CEP350: variants seen among roughly 807,000 people sequenced by gnomAD.
CEP350 encodes the protein centrosomal protein 350, also known as centrosome-associated protein 350.
A neutral mutation model predicts 331.8 loss-of-function variants in CEP350; 126 were observed. The observed-to-expected ratio is 0.38, with a 90% CI of 0.33 to 0.44. CEP350 has a LOEUF of 0.44. Ranked by LOEUF, CEP350 falls within the 20% of genes least tolerant of loss-of-function variation. The pLI is 1.00. For missense variants in CEP350, 3,406 were observed against 3,634.6 expected (o/e 0.94, Z 1.62); for synonymous variants, 1,200 against 1,259.5 (o/e 0.95, Z 1.00).
At position 179,990,595 on chromosome 1, in the gene CEP350, G is replaced by A; in HGVS notation, c.209G>A (p.Ser70Asn). The A allele has an allele frequency of 6.3e-7, 1 of 1,597,286 alleles. No individual in the cohort carries two copies. The highest frequency in any genetic ancestry group is 8.6e-7 in the Non-Finnish European group (1 of 1,169,446). The change falls in exon 4 of 38, where the codon AGT becomes AAT. Residue 70 changes from serine (S) to asparagine (N), a missense_variant. Transcript: ENST00000367607. ...SVMDTKKSST[S>N]ATRKISRKDG... ...ATGGATACCAAGAAGTCTTCTACAA[G>A]TGCTACTCGAAAAATAAGTAGAAAA...
intron 10 of CEP350, among the ~76,000 whole-genome samples, chr1:180,015,108 A>C (rs2148812660): frequency 6.6e-6 from 1 of 152,170 alleles, no homozygotes; most frequent in South Asian, 2.1e-4. Flanking sequence ...TGAGAGGAGG[A>C]GGAAGAGGAA....
chr1:179,966,608 A>T (rs993803249), intron 1 of CEP350, among the ~76,000 whole-genome samples: 1 of 152,182 alleles, frequency 6.6e-6, no homozygotes, highest in African/African-American at 2.4e-5. Flanking sequence ...ACAAAAATCT[A>T]TGCAAATTTC....
Position 180,075,119 on chromosome 1 carries a change from A to G in CEP350, c.5665A>G (p.Ile1889Val), listed in dbSNP as rs137974907. 4.8e-5 allele frequency: 77 copies of G among 1,613,764 alleles called. No homozygotes were observed. The East Asian group carries it at 1.2e-3, about 26-fold the overall frequency. Reference sequence around the variant, plus strand: ...ACGTTTAGATGCAGAAGAAGCAGAAATTCGTCAAATGGAAAAACAAGCTTT... The same window carrying G: ...ACGTTTAGATGCAGAAGAAGCAGAAGTTCGTCAAATGGAAAAACAAGCTTT... ...KRRLDAEEAE[I>V]RQMEKQALAA... The change falls in exon 28 of 38, where the codon ATT (isoleucine) becomes GTT (valine). Residue 1889 changes from isoleucine (I) to valine (V), a missense_variant. Coordinates refer to ENST00000367607, the MANE Select transcript of CEP350 (RefSeq NM_014810.5).
At chr1:179,974,063 T>A (rs993881076) in intron 1 of CEP350, among the ~76,000 whole-genome samples, 9 of 146,970 alleles carry the variant, frequency 6.1e-5, no homozygotes, top group Admixed American at 1.4e-4. Context: ...TTTGTTGTTG[T>A]TGCTGGTGTT....
Position 180,095,534 on chromosome 1 carries a change from A to G in CEP350, c.8523A>G (p.Val2841=). Residue 2841 remains valine, a synonymous_variant, in exon 35 of 38, where the codon GTA becomes GTG. Transcript: ENST00000367607. The stretch of plus-strand genomic sequence containing the variant: ...TTCCATTTCTATAGGAGAGCCCAGT[A>G]TTTGGTGCCAGTGGGCAGGAAGAAC... ...PDMCPRPESP[V]FGASGQEELA... The G allele has an allele frequency of 6.2e-7, 1 of 1,613,692 alleles. No individual in the cohort carries two copies. The highest frequency in any genetic ancestry group is 8.5e-7 in the Non-Finnish European group (1 of 1,179,698).
In CEP350 at chr1:180,093,688, G is replaced by T. The variant is rs769963410; in HGVS notation, c.7583G>T (p.Gly2528Val). 1 of 1,613,974 alleles carries T rather than the reference G, an allele frequency of 6.2e-7. No homozygotes were observed. The highest frequency in any genetic ancestry group is 2.2e-5 in the East Asian group (1 of 44,880). ...ETSFAKGFWA[G>V]VELDKPEGNN... ...AGTTTTGCTAAAGGATTTTGGGCCG[G>T]AGTGGAGTTAGATAAACCTGAAGGA... Residue 2528 changes from glycine to valine, a missense_variant, in exon 34 of 38, where the codon GGA becomes GTA. Gly to Val is a moderately radical substitution (Grantham distance 109, BLOSUM62 -3). Coordinates refer to ENST00000367607, the MANE Select transcript of CEP350 (RefSeq NM_014810.5).
rs569631296 is a variant in CEP350, at chr1:179,974,198, G to A, written c.-13-11971G>A. On this transcript the variant is annotated intron_variant, in intron 1 of 37. Coordinates refer to ENST00000367607, the MANE Select transcript of CEP350 (RefSeq NM_014810.5). Reference sequence around the variant, plus strand: ...GGGTTCATGCCATTCTCCTGCCTCAGCCTCCCACGTAGCTGGGACCACAGG... The same window carrying A: ...GGGTTCATGCCATTCTCCTGCCTCAACCTCCCACGTAGCTGGGACCACAGG... Among the ~76,000 whole-genome samples the A allele has an allele frequency of 3.3e-5, 5 of 152,164 alleles. No individual in the cohort carries two copies. In the South Asian group the frequency reaches 1.0e-3, roughly 32 times the overall value.
At chr1:180,061,186 C>CATTGATTG (rs145891471) in intron 25 of CEP350, among the ~76,000 whole-genome samples, 268 of 150,534 alleles carry the variant, frequency 1.8e-3, no homozygotes, top group Admixed American at 4.2e-3. Context: ...GATAAGAAAA[C>CATTGATTG]ATTGATTGAT....
intron 22 of CEP350, among the ~76,000 whole-genome samples, chr1:180,052,599 TTTGA>T (rs57242420): frequency 0.082 from 12,418 of 152,198 alleles, 759 homozygotes; most frequent in African/African-American, 0.18. Flanking sequence ...ACTTCATTTC[TTTGA>T]TTGATAGTAA....
intron 33 of CEP350, 139 bp from the exon 34 acceptor site, chr1:180,092,475 A>G: frequency 4.0e-6 from 2 of 504,824 alleles, no homozygotes; most frequent in Non-Finnish European, 6.9e-6. Flanking sequence ...AAAAACTTAT[A>G]AAGTAGCCAA....
In CEP350 at chr1:180,114,331, G is replaced by A; in HGVS notation, c.*3170G>A. The A allele has an allele frequency of 6.6e-6, 1 of 152,520 alleles. No individual in the cohort carries two copies. The highest frequency in any genetic ancestry group is 1.5e-5 in the Non-Finnish European group (1 of 68,014). The allele number at this position is 152,520 out of a possible 1,614,324, so 9.4% of individuals were successfully genotyped here. A position where few individuals can be genotyped will look rare whatever the true frequency, so the allele number is the denominator to read the frequency against. On this transcript the variant is annotated 3_prime_UTR_variant, in exon 38 of 38. Transcript: ENST00000367607. ...TTACATCTTCCTTTTACTACCTTAAGAATACTAGTGAATAAAACATTAATT... is the reference window on the plus strand; with the variant it reads ...TTACATCTTCCTTTTACTACCTTAAAAATACTAGTGAATAAAACATTAATT...
chr1:180,053,985 T>C, intron 24 of CEP350, 51 bp downstream of exon 24: 1 of 1,339,892 alleles, frequency 7.5e-7, no homozygotes, highest in Non-Finnish European at 1.0e-6. Flanking sequence ...TAAAATGGAA[T>C]GCTTTATATT....
At chr1:180,107,447 T>A (rs1558165468) in intron 37 of CEP350, among the ~76,000 whole-genome samples, 2 of 152,158 alleles carry the variant, frequency 1.3e-5, no homozygotes, top group Non-Finnish European at 2.9e-5. Context: ...GGCAGATGGA[T>A]CACCTGAGGT....
chr1:180,091,488 A>G (rs1428178673), intron 33 of CEP350, among the ~76,000 whole-genome samples: 1 of 152,194 alleles, frequency 6.6e-6, no homozygotes, highest in African/African-American at 2.4e-5. Flanking sequence ...TTCTTAGCTA[A>G]ATAGCTGTAT....
In CEP350 at chr1:180,094,696, A is replaced by G. The variant is rs1271768766; in HGVS notation, c.8511+80A>G. On this transcript the variant is annotated intron_variant, in intron 34 of 37. Transcript: ENST00000367607. ...GCAACTTACCTTGCCTATATAGTAC[A>G]TTTTAATTCTGTGACTCCTGATAGG... 3.5e-6 allele frequency: 5 copies of G among 1,413,306 alleles called. No homozygotes were observed. The African/African-American group carries it at 4.3e-5, about 12-fold the overall frequency. 87.5% of individuals were successfully genotyped at this position (1,413,306 alleles called of 1,614,324 possible). A position where few individuals can be genotyped will look rare whatever the true frequency, so the allele number is the denominator to read the frequency against.
At chr1:179,991,034 AC>A (rs1653015892) in intron 4 of CEP350, among the ~76,000 whole-genome samples, 1 of 151,972 alleles carries the variant, frequency 6.6e-6, no homozygotes, top group African/African-American at 2.4e-5. Context: ...CCATCTTTTG[AC>A]CAGGGACTTT....
At chr1:179,974,548 C>T (rs1355118705) in intron 1 of CEP350, among the ~76,000 whole-genome samples, 1 of 152,214 alleles carries the variant, frequency 6.6e-6, no homozygotes, top group Non-Finnish European at 1.5e-5. Context: ...AACTCTATTA[C>T]AGCACTCATT....
At chr1:180,090,627 A>G in intron 32 of CEP350, 87 bp from the exon 33 acceptor site, 1 of 1,120,792 alleles carries the variant, frequency 8.9e-7, no homozygotes, top group Non-Finnish European at 1.2e-6. Flanking sequence ...AGAAGAGGAA[A>G]GAAGCAGTTG....
intron 19 of CEP350, among the ~76,000 whole-genome samples, chr1:180,042,556 A>G (rs1353399311): frequency 6.6e-6 from 1 of 152,212 alleles, no homozygotes; most frequent in Non-Finnish European, 1.5e-5. Context: ...AAGAAAATTA[A>G]AATGTAGACA....
Sources: allele counts gnomAD v4.1 joint callset (sites outside exome capture counted in the v4.1 genomes callset), GRCh38; gene constraint gnomAD v4.1.1; transcripts MANE v1.5; gene names NCBI Gene and HGNC (gene_info 2026-07-23, HGNC 2026-07-21).